LCORL: variants seen among roughly 807,000 people sequenced by gnomAD.
LCORL encodes the protein ligand dependent nuclear receptor corepressor like, also known as ligand-dependent nuclear receptor corepressor-like protein.
LCORL carries 41 observed loss-of-function variants against 141.8 expected under a neutral mutation model. That is an observed-to-expected ratio of 0.29 (90% CI 0.23 to 0.38). The LOEUF (loss-of-function observed/expected upper bound fraction) is 0.38, where lower values mean the gene tolerates loss of function less well. Ranked by LOEUF, LCORL falls within the 10% of genes least tolerant of loss-of-function variation. The pLI is 1.00. For synonymous variants in LCORL, 618 were observed against 694.1 expected, an observed-to-expected ratio of 0.89 and a Z score of 1.72; for missense variants, 1,759 against 2,035.0, an observed-to-expected ratio of 0.86 and a Z score of 2.61.
chr4:17,951,168 T>A (rs1428889675), intron 4 of LCORL, among the ~76,000 whole-genome samples: 1 of 152,202 alleles, frequency 6.6e-6, no homozygotes, highest in Non-Finnish European at 1.5e-5. Context: ...AACTCTATAA[T>A]CAATTAATCA....
chr4:17,998,419 A>AT (rs1299431548), intron 1 of LCORL, among the ~76,000 whole-genome samples: 1 of 151,918 alleles, frequency 6.6e-6, no homozygotes, highest in African/African-American at 2.4e-5. Context: ...TTATTCTATA[A>AT]TTTTTTTCTA....
At chr4:17,911,779 T>A (rs1168475137) in intron 4 of LCORL, 2 of 457,254 alleles carry the variant, frequency 4.4e-6, no homozygotes, top group African/African-American at 4.1e-5. Flanking sequence ...GGCTGGCGTC[T>A]ATGCAGGTGC....
chr4:17,907,817 G>A (rs895636686), intron 5 of LCORL, among the ~76,000 whole-genome samples: 24 of 152,138 alleles, frequency 1.6e-4, no homozygotes, highest in Non-Finnish European at 1.2e-4. Flanking sequence ...AAGCCAAAAG[G>A]TTGGACACCC....
rs1210477755 is a variant in LCORL, at chr4:17,884,786, T to A, written c.776+1282A>T. The A allele has an allele frequency of 8.3e-7, 1 of 1,205,340 alleles. No individual in the cohort carries two copies. The highest frequency in any genetic ancestry group is 1.1e-6 in the Non-Finnish European group (1 of 885,744). 74.7% of individuals were successfully genotyped at this position (1,205,340 alleles called of 1,614,324 possible). ...ATGGAATGAAACGATGGTAAACTGA[T>A]GCATGAGAGACTCTCACACAGCTAT... On this transcript the variant is annotated intron_variant, in intron 6 of 7. Coordinates refer to ENST00000635767, the Ensembl canonical transcript of LCORL. The surrounding 1 kb of genome is among the most constrained non-coding windows in gnomAD (Gnocchi z 4.4).
intron 1 of LCORL, among the ~76,000 whole-genome samples, chr4:17,998,984 AAATATATATATATATATATACACAC>A (rs1395912424): frequency 3.3e-5 from 2 of 60,828 alleles, no homozygotes; most frequent in African/African-American, 1.3e-4. Flanking sequence ...AAAAAAAAAA[AAATATATATATATATATATACACAC>A]ATATATATAT....
intron 4 of LCORL, among the ~76,000 whole-genome samples, chr4:17,926,818 C>T (rs1019352275): frequency 6.6e-6 from 1 of 152,210 alleles, no homozygotes; most frequent in African/African-American, 2.4e-5. Context: ...TGTTGTTCTA[C>T]AAATAGAGCA....
chr4:17,888,589 T>C (rs1728633711), intron 5 of LCORL, among the ~76,000 whole-genome samples: 1 of 152,146 alleles, frequency 6.6e-6, no homozygotes, highest in Non-Finnish European at 1.5e-5. Context: ...TTATTTTGTC[T>C]TCCTGCGTGG....
chr4:17,849,504 T>A (rs541146642), intron 7 of LCORL, among the ~76,000 whole-genome samples: 68 of 152,174 alleles, frequency 4.5e-4, no homozygotes, highest in African/African-American at 1.6e-3. Flanking sequence ...AGAAAGGACA[T>A]CCACACCAAA....
intron 7 of LCORL, among the ~76,000 whole-genome samples, chr4:17,849,360 C>T (rs1265211288): frequency 1.3e-5 from 2 of 152,278 alleles, no homozygotes; most frequent in African/African-American, 4.8e-5. Context: ...GCAGCATTCG[C>T]GGTTCACGAA....
At chr4:17,956,757 T>C (rs1712731672) in intron 4 of LCORL, among the ~76,000 whole-genome samples, 1 of 152,016 alleles carries the variant, frequency 6.6e-6, no homozygotes, top group South Asian at 2.1e-4. Flanking sequence ...TTAATAACAA[T>C]ATATTGTATT....
At chr4:17,885,980 C>T (rs541205320) in intron 6 of LCORL, 88 bp downstream of exon 6, 51 of 634,204 alleles carry the variant, frequency 8.0e-5, no homozygotes, top group Non-Finnish European at 6.4e-5. Context: ...AAACTATATA[C>T]GTCAATACTA....
At chr4:17,930,614 A>G (rs1051377577) in intron 4 of LCORL, among the ~76,000 whole-genome samples, 2 of 152,214 alleles carry the variant, frequency 1.3e-5, no homozygotes, top group African/African-American at 4.8e-5. Context: ...ATTTCCTAAA[A>G]TTGAACCACT....
chr4:17,943,120 C>A (rs35587956), intron 4 of LCORL, among the ~76,000 whole-genome samples: 1 of 152,014 alleles, frequency 6.6e-6, no homozygotes, highest in Non-Finnish European at 1.5e-5. Context: ...GCTGATCCGG[C>A]GGCTCATTTT....
chr4:17,880,279 C>G (rs189664879), intron 6 of LCORL: 176 of 230,698 alleles, frequency 7.6e-4, no homozygotes, highest in East Asian at 7.3e-4. Flanking sequence ...ATATTTCTTG[C>G]ATGTTAGGAT....
chr4:17,976,891 T>G (rs944451763), intron 1 of LCORL, among the ~76,000 whole-genome samples: 9 of 152,156 alleles, frequency 5.9e-5, no homozygotes, highest in Non-Finnish European at 1.3e-4. Context: ...TAAGATTTTC[T>G]TTTTACCATT....
intron 1 of LCORL, among the ~76,000 whole-genome samples, chr4:17,997,219 A>G (rs112326080): frequency 0.039 from 6,009 of 152,276 alleles, 194 homozygotes; most frequent in African/African-American, 0.086. Context: ...GTACTGGTCT[A>G]AATGATGTCT....
chr4:17,991,982 G>T (rs1376375224), intron 1 of LCORL, among the ~76,000 whole-genome samples: 1 of 152,096 alleles, frequency 6.6e-6, no homozygotes, highest in Admixed American at 6.5e-5. Context: ...ACCTAAAGGG[G>T]AGCAGAGGTA....
chr4:17,864,697 TTG>T (rs1725435168), intron 7 of LCORL, among the ~76,000 whole-genome samples: 2 of 152,310 alleles, frequency 1.3e-5, no homozygotes, highest in East Asian at 3.9e-4. Flanking sequence ...AAGGCAGAGA[TTG>T]TCGCACTGGA....
chr4:17,952,324 A>G (rs1711531488), intron 4 of LCORL, among the ~76,000 whole-genome samples: 1 of 152,136 alleles, frequency 6.6e-6, no homozygotes, highest in African/African-American at 2.4e-5. Context: ...TAGAATACAC[A>G]TTAGAATACA....
Sources: allele counts gnomAD v4.1 joint callset (sites outside exome capture counted in the v4.1 genomes callset), GRCh38; gene constraint gnomAD v4.1.1; non-coding constraint Gnocchi (gnomAD v3.1); transcripts MANE v1.5; gene names NCBI Gene and HGNC (gene_info 2026-07-23, HGNC 2026-07-21).